The following LRRC3B variants were observed in gnomAD, a reference collection of about 807,000 sequenced individuals.
LRRC3B encodes the protein leucine rich repeat containing 3B, also known as leucine-rich repeat-containing protein 3B.
LRRC3B carries 2 observed loss-of-function variants against 12.8 expected under a neutral mutation model. The observed-to-expected ratio is 0.16, with a 90% CI of 0.06 to 0.49. LRRC3B has a LOEUF of 0.49. Among genes scored for constraint, LRRC3B ranks in the 20% least tolerant of loss-of-function variants. LRRC3B has a pLI of 0.96. For synonymous variants in LRRC3B, 132 were observed against 122.0 expected (o/e 1.08, Z -0.54); for missense variants, 189 against 319.4 (o/e 0.59, Z 3.11).
At chr3:26,695,105 T>C (rs1368699562) in intron 1 of LRRC3B, among the ~76,000 whole-genome samples, 3 of 152,194 alleles carry the variant, frequency 2.0e-5, no homozygotes, top group Non-Finnish European at 4.4e-5. Flanking sequence ...CATTCAAATT[T>C]TTCTCTCAGT....
At chr3:26,700,293 G>T (rs937250508) in intron 1 of LRRC3B, among the ~76,000 whole-genome samples, 1 of 152,140 alleles carries the variant, frequency 6.6e-6, no homozygotes, top group African/African-American at 2.4e-5. Flanking sequence ...GGTCAACAGA[G>T]GGCTGGTGAG....
intron 1 of LRRC3B, among the ~76,000 whole-genome samples, chr3:26,664,980 G>T (rs1699569429): frequency 6.6e-6 from 1 of 151,494 alleles, no homozygotes; most frequent in African/African-American, 2.4e-5. Flanking sequence ...TACATTTTCA[G>T]CATGTTCCTA....
At position 26,675,043 on chromosome 3, in the gene LRRC3B, A is replaced by G. The variant is rs1358829813; in HGVS notation, c.-160-34470A>G. On this transcript the variant is annotated intron_variant, in intron 1 of 1. Transcript: ENST00000396641. ...GTATCACAGGCAGAAAGAACAAGAA[A>G]TCCTCCTCTCAACATGTTCTAGTCT... 2.6e-5 allele frequency among the ~76,000 whole-genome samples: 4 copies of G among 152,232 alleles called. No individual in the cohort carries two copies. The East Asian group carries it at 5.8e-4, about 22-fold the overall frequency.
chr3:26,671,369 T>TAGAGAGAGAGAGAGAGAGAGAG (rs773929815), intron 1 of LRRC3B, among the ~76,000 whole-genome samples: 10 of 38,200 alleles, frequency 2.6e-4, no homozygotes, highest in Admixed American at 9.0e-4. Context: ...TATATATATA[T>TAGAGAGAGAGAGAGAGAGAGAG]ATATAGAGAG....
chr3:26,701,304 T>C (rs565557294), intron 1 of LRRC3B: 10 of 152,234 alleles, frequency 6.6e-5, no homozygotes, highest in African/African-American at 2.4e-4. Flanking sequence ...CAGGTGAGCA[T>C]AACTGGGTGG....
Position 26,662,392 on chromosome 3 carries a change from C to T in LRRC3B, c.-161+39155C>T, listed in dbSNP as rs1367680332. ...GTTGAAATATTGAAATGTATTACTC[C>T]GGATTAAAATTTTCTGCCACTCTGT... On this transcript the variant is annotated intron_variant, in intron 1 of 1. Transcript: ENST00000396641. Among the ~76,000 whole-genome samples, 6 of 151,946 alleles carry T rather than the reference C, an allele frequency of 3.9e-5. No homozygotes were observed. In the East Asian group the frequency reaches 7.7e-4, roughly 20 times the overall value.
At chr3:26,627,540 T>C (rs1166340214) in intron 1 of LRRC3B, among the ~76,000 whole-genome samples, 2 of 151,966 alleles carry the variant, frequency 1.3e-5, no homozygotes, top group Admixed American at 1.3e-4. Context: ...TGGAGGAAGA[T>C]GGAGGTGAGG....
At chr3:26,656,868 C>A (rs1040383479) in intron 1 of LRRC3B, among the ~76,000 whole-genome samples, 6 of 152,090 alleles carry the variant, frequency 3.9e-5, no homozygotes, top group African/African-American at 1.4e-4. Flanking sequence ...CTTTGTAAAG[C>A]AAGTTAAGAC....
chr3:26,632,634 A>G (rs760326100), intron 1 of LRRC3B, among the ~76,000 whole-genome samples: 2 of 152,064 alleles, frequency 1.3e-5, no homozygotes, highest in Non-Finnish European at 2.9e-5. Flanking sequence ...GGGTAACATC[A>G]AGTTTGTTTG....
chr3:26,625,896 A>G (rs1489900204), intron 1 of LRRC3B, among the ~76,000 whole-genome samples: 1 of 152,264 alleles, frequency 6.6e-6, no homozygotes. Flanking sequence ...GGAGAAACCC[A>G]GTATTGAAGA....
intron 1 of LRRC3B, among the ~76,000 whole-genome samples, chr3:26,704,019 TA>T (rs1233058508): frequency 1.3e-5 from 2 of 152,074 alleles, no homozygotes; most frequent in Non-Finnish European, 2.9e-5. Context: ...GAATATAAAA[TA>T]AAAAGGCAAT....
chr3:26,708,656 A>G (rs1235840853), intron 1 of LRRC3B, among the ~76,000 whole-genome samples: 2 of 152,234 alleles, frequency 1.3e-5, no homozygotes, highest in Non-Finnish European at 2.9e-5. Flanking sequence ...AACTTTGTTC[A>G]TCACTTAATT....
intron 1 of LRRC3B, among the ~76,000 whole-genome samples, chr3:26,680,433 T>C (rs142362508): frequency 9.4e-4 from 144 of 152,386 alleles, no homozygotes; most frequent in African/African-American, 3.2e-3. Context: ...GGATTTCTCC[T>C]ATTTGAGGTC....
chr3:26,635,659 T>C (rs1219305428), intron 1 of LRRC3B, among the ~76,000 whole-genome samples: 1 of 152,256 alleles, frequency 6.6e-6, no homozygotes, highest in East Asian at 1.9e-4. Context: ...AACCAGTCTA[T>C]GGCAATTTGT....
chr3:26,698,320 G>A (rs956630491), intron 1 of LRRC3B, among the ~76,000 whole-genome samples: 9 of 152,174 alleles, frequency 5.9e-5, no homozygotes, highest in African/African-American at 2.2e-4. Flanking sequence ...ATTATGCAAT[G>A]AGTTAGTGGC....
At chr3:26,708,786 T>TA (rs1347927648) in intron 1 of LRRC3B, among the ~76,000 whole-genome samples, 2 of 152,110 alleles carry the variant, frequency 1.3e-5, no homozygotes, top group African/African-American at 4.8e-5. Context: ...TCTTGTTATA[T>TA]AAAAAAGTCA....
At chr3:26,695,238 A>C (rs1455872873) in intron 1 of LRRC3B, among the ~76,000 whole-genome samples, 1 of 152,150 alleles carries the variant, frequency 6.6e-6, no homozygotes. Flanking sequence ...TTTTTTAAAA[A>C]ATACTTCAGC....
At chr3:26,674,423 A>G (rs1329305845) in intron 1 of LRRC3B, among the ~76,000 whole-genome samples, 7 of 152,216 alleles carry the variant, frequency 4.6e-5, no homozygotes, top group Admixed American at 4.6e-4. Context: ...AAATATTGGT[A>G]TTATGCAAAT....
At chr3:26,677,204 G>A (rs1699878032) in intron 1 of LRRC3B, among the ~76,000 whole-genome samples, 1 of 152,146 alleles carries the variant, frequency 6.6e-6, no homozygotes, top group South Asian at 2.1e-4. Flanking sequence ...ACTGCACAGG[G>A]CTATGCAAAA....
Sources: gnomAD v4.1 joint callset for allele counts (sites outside exome capture counted in the v4.1 genomes callset) on GRCh38, gnomAD v4.1.1 for gene constraint, MANE v1.5 for transcripts, NCBI Gene and HGNC (gene_info 2026-07-23, HGNC 2026-07-21) for gene names.